Variants in MAPRE2 observed in about 807,000 individuals in gnomAD.
The protein encoded by MAPRE2 is microtubule-associated protein RP/EB family member 2.
Under a neutral mutation model 43.2 loss-of-function variants are expected in MAPRE2, and 13 were observed. That is an observed-to-expected ratio of 0.30 (90% CI 0.20 to 0.48). MAPRE2 has a LOEUF of 0.48. Among genes scored for constraint, MAPRE2 ranks in the 20% least tolerant of loss-of-function variants. The pLI, the probability that MAPRE2 is intolerant of heterozygous loss-of-function variation, is 0.99. For synonymous variants in MAPRE2, 135 were observed against 148.8 expected, an observed-to-expected ratio of 0.91 and a Z score of 0.68; for missense variants, 161 against 400.2, an observed-to-expected ratio of 0.40 and a Z score of 5.10.
chr18:35,012,366 A>G (rs1021441951), intron 2 of MAPRE2, among the ~76,000 whole-genome samples: 1 of 152,214 alleles, frequency 6.6e-6, no homozygotes, highest in Admixed American at 6.5e-5. Flanking sequence ...AGGAGAGTAT[A>G]GAATGAGAAA....
intron 1 of MAPRE2, among the ~76,000 whole-genome samples, chr18:35,055,356 G>T (rs1906163829): frequency 6.6e-6 from 1 of 152,064 alleles, no homozygotes; most frequent in African/African-American, 2.4e-5. Context: ...ATTATCACCT[G>T]GCCTTCTTCA....
At chr18:35,020,512 G>A (rs2097041236) in intron 2 of MAPRE2, among the ~76,000 whole-genome samples, 1 of 150,886 alleles carries the variant, frequency 6.6e-6, no homozygotes, top group Non-Finnish European at 1.5e-5. Context: ...CCCTCTTTTA[G>A]TGAGTGCTTA....
intron 1 of MAPRE2, chr18:34,978,645 C>G (rs545927760): frequency 1.0e-6 from 1 of 988,624 alleles, no homozygotes; most frequent in South Asian, 1.4e-5. Flanking sequence ...AGCCAGTGTC[C>G]CCTCTGGAAA....
chr18:35,015,086 C>A (rs2097037319), intron 2 of MAPRE2, among the ~76,000 whole-genome samples: 1 of 152,056 alleles, frequency 6.6e-6, no homozygotes, highest in African/African-American at 2.4e-5. Context: ...TATATTCAGA[C>A]CCCTAAACAA....
intron 2 of MAPRE2, among the ~76,000 whole-genome samples, chr18:35,090,743 A>T (rs891522485): frequency 6.7e-6 from 1 of 150,240 alleles, no homozygotes; most frequent in Non-Finnish European, 1.5e-5. Context: ...AAAAAAAAAA[A>T]AAAGAAAAAG....
intron 5 of MAPRE2, chr18:35,131,798 T>C: frequency 2.0e-6 from 1 of 511,402 alleles, no homozygotes; most frequent in Non-Finnish European, 3.5e-6. Context: ...CTGTCCCTGG[T>C]TAATAAACGC....
intron 2 of MAPRE2, among the ~76,000 whole-genome samples, chr18:35,029,857 A>C (rs1051150149): frequency 6.6e-6 from 1 of 152,250 alleles, no homozygotes; most frequent in Admixed American, 6.5e-5. Context: ...TTTTAACGAG[A>C]GCACTCAAAT....
At chr18:34,997,702 G>C (rs1390056878) in intron 1 of MAPRE2, among the ~76,000 whole-genome samples, 1 of 152,164 alleles carries the variant, frequency 6.6e-6, no homozygotes, top group African/African-American at 2.4e-5. Flanking sequence ...TGTAATCCCA[G>C]CTATTCGGGA....
intron 2 of MAPRE2, among the ~76,000 whole-genome samples, chr18:35,029,767 A>T (rs1186678350): frequency 1.1e-4 from 16 of 152,208 alleles, no homozygotes; most frequent in Admixed American, 1.0e-3. Context: ...AGTCACTTCA[A>T]CAAGATGCAT....
rs73946516 is a variant in MAPRE2 at position 35,084,565 on chromosome 18, C to T, written c.251-12881C>T. ...TTACTAGCTTATTTCTTTTCCTGTA[C>T]AAGAAAAGAGATGAAAATGTCCTTC... On this transcript the variant is annotated intron_variant, in intron 2 of 6. Transcript: ENST00000300249. 2.9e-3 allele frequency among the ~76,000 whole-genome samples: 449 copies of T among 152,260 alleles called. 3 individuals carry two copies. Among genetic ancestry groups the T allele is most frequent in the African/African-American group, 0.011 (437 of 41,538 alleles).
At chr18:35,027,203 C>T (rs2097045677) in intron 2 of MAPRE2, among the ~76,000 whole-genome samples, 1 of 152,208 alleles carries the variant, frequency 6.6e-6, no homozygotes, top group Non-Finnish European at 1.5e-5. Context: ...GTGAGATTGA[C>T]ATTCCTCCTA....
chr18:35,000,770 C>T (rs1029935319), intron 1 of MAPRE2, among the ~76,000 whole-genome samples: 1 of 152,148 alleles, frequency 6.6e-6, no homozygotes, highest in African/African-American at 2.4e-5. Context: ...CCCTAGTGCT[C>T]ACAATGGCTA....
intron 1 of MAPRE2, 53 bp from the exon 2 acceptor site, chr18:35,070,142 T>C: frequency 6.6e-7 from 1 of 1,523,630 alleles, no homozygotes; most frequent in Non-Finnish European, 8.8e-7. Context: ...AGGTATCTTT[T>C]GTGTTTCTGA....
chr18:34,995,616 T>C (rs1008418263), intron 1 of MAPRE2, among the ~76,000 whole-genome samples: 1 of 152,200 alleles, frequency 6.6e-6, no homozygotes, highest in Admixed American at 6.5e-5. Flanking sequence ...GGGCTAGGAA[T>C]AATTGCAGGA....
intron 1 of MAPRE2, among the ~76,000 whole-genome samples, chr18:35,041,965 A>G (rs376409868): frequency 9.2e-5 from 14 of 152,338 alleles, no homozygotes; most frequent in Middle Eastern, 3.4e-3. Flanking sequence ...AAAGGGAGAC[A>G]GGCAGTAGCA....
intron 2 of MAPRE2, among the ~76,000 whole-genome samples, chr18:35,013,702 G>A (rs2097036293): frequency 1.3e-5 from 2 of 151,860 alleles, no homozygotes; most frequent in Non-Finnish European, 2.9e-5. Flanking sequence ...CTAGTATCCT[G>A]TCTTCTACTT....
chr18:35,043,933 A>G (rs1452842177), intron 1 of MAPRE2, among the ~76,000 whole-genome samples: 2 of 152,222 alleles, frequency 1.3e-5, no homozygotes, highest in Non-Finnish European at 2.9e-5. Flanking sequence ...GAAGCATTCC[A>G]TCATTATTTT....
intron 1 of MAPRE2, among the ~76,000 whole-genome samples, chr18:35,067,638 G>C (rs1289672755): frequency 6.6e-6 from 1 of 151,890 alleles, no homozygotes; most frequent in African/African-American, 2.4e-5. Flanking sequence ...ATAACCCTGG[G>C]CCTCGACACC....
Position 35,097,802 on chromosome 18 carries a change from A to G in MAPRE2, c.396+211A>G, listed in dbSNP as rs1470756885. ...TTTCTAAACTTGTAGCCAGTAGACT[A>G]AAAACTAACAGGGCTCACAAATGTT... On this transcript the variant is annotated intron_variant, in intron 3 of 6. Transcript: ENST00000300249. Among the ~76,000 whole-genome samples the G allele has an allele frequency of 3.3e-5, 5 of 152,212 alleles. No homozygotes were observed. The South Asian group carries it at 6.2e-4, about 19-fold the overall frequency.
Sources: gnomAD v4.1 joint callset for allele counts (sites outside exome capture counted in the v4.1 genomes callset) on GRCh38, gnomAD v4.1.1 for gene constraint, MANE v1.5 for transcripts, NCBI Gene and HGNC (gene_info 2026-07-23, HGNC 2026-07-21) for gene names.